Variants in SHISA6 observed in about 807,000 individuals in gnomAD.
SHISA6 encodes shisa family member 6.
Under a neutral mutation model 47.9 loss-of-function variants are expected in SHISA6, and 22 were observed. The observed-to-expected ratio is 0.46, with a 90% CI of 0.33 to 0.66. The LOEUF (loss-of-function observed/expected upper bound fraction) is 0.66, where lower values mean the gene tolerates loss of function less well. Among genes scored for constraint, SHISA6 ranks in the 30% least tolerant of loss-of-function variants. The pLI, the probability that SHISA6 is intolerant of heterozygous loss-of-function variation, is 0.02. For synonymous variants in SHISA6, 388 were observed against 337.8 expected (o/e 1.15, Z -1.63); for missense variants, 680 against 764.6 (o/e 0.89, Z 1.30).
chr17:11,300,149 CAAAAAAAAAA>C (rs56060137), intron 2 of SHISA6, among the ~76,000 whole-genome samples: 1 of 129,162 alleles, frequency 7.7e-6, no homozygotes, highest in East Asian at 2.3e-4. Context: ...CATCTTAAAA[CAAAAAAAAAA>C]AAAAAAGAAA....
At chr17:11,349,018 A>T (rs1168877753) in intron 2 of SHISA6, among the ~76,000 whole-genome samples, 1 of 152,222 alleles carries the variant, frequency 6.6e-6, no homozygotes, top group East Asian at 1.9e-4. Flanking sequence ...GGATTCATAA[A>T]AAAGGAGCTC....
chr17:11,277,462 G>C (rs1908966396), intron 2 of SHISA6, among the ~76,000 whole-genome samples: 1 of 152,054 alleles, frequency 6.6e-6, no homozygotes, highest in African/African-American at 2.4e-5. Context: ...TGTCTGCTTT[G>C]CTCACTCTAT....
intron 1 of SHISA6, among the ~76,000 whole-genome samples, chr17:11,246,720 C>G (rs1597419091): frequency 1.3e-5 from 2 of 152,300 alleles, no homozygotes; most frequent in Admixed American, 6.5e-5. Context: ...CTGACTCTTG[C>G]AGACACACGC....
intron 2 of SHISA6, among the ~76,000 whole-genome samples, chr17:11,368,104 C>T (rs1226737596): frequency 1.3e-5 from 2 of 152,174 alleles, no homozygotes; most frequent in African/African-American, 2.4e-5. Context: ...GCTCTATACA[C>T]GTGACTACAT....
At chr17:11,550,544 C>G (rs566460997) in intron 3 of SHISA6, among the ~76,000 whole-genome samples, 11 of 152,218 alleles carry the variant, frequency 7.2e-5, no homozygotes, top group Admixed American at 4.6e-4. Flanking sequence ...GGGAAGAGGA[C>G]TTTGGGATAC....
At chr17:11,471,687 A>G (rs1310335096) in intron 3 of SHISA6, among the ~76,000 whole-genome samples, 1 of 152,188 alleles carries the variant, frequency 6.6e-6, no homozygotes, top group African/African-American at 2.4e-5. Flanking sequence ...TTTGCTGTAC[A>G]TCTTTAGACT....
chr17:11,376,791 G>C (rs1912817155), intron 2 of SHISA6, among the ~76,000 whole-genome samples: 1 of 152,134 alleles, frequency 6.6e-6, no homozygotes, highest in Non-Finnish European at 1.5e-5. Flanking sequence ...GTTGTCCTTG[G>C]ACCTAAGAGC....
intron 3 of SHISA6, among the ~76,000 whole-genome samples, chr17:11,463,564 C>A (rs1031694019): frequency 6.6e-6 from 1 of 152,146 alleles, no homozygotes; most frequent in Non-Finnish European, 1.5e-5. Flanking sequence ...TCCTTTATTA[C>A]ATATCTGTAG....
chr17:11,423,011 G>C (rs896215221), intron 3 of SHISA6, among the ~76,000 whole-genome samples: 1 of 149,304 alleles, frequency 6.7e-6, no homozygotes, highest in African/African-American at 2.5e-5. Flanking sequence ...AAAAAAAACA[G>C]AGGGAATTAA....
chr17:11,362,614 TGGC>T (rs1912324731), intron 2 of SHISA6, among the ~76,000 whole-genome samples: 1 of 152,260 alleles, frequency 6.6e-6, no homozygotes, highest in East Asian at 1.9e-4. Flanking sequence ...CTTATATTAC[TGGC>T]GGTGTGGTTT....
intron 2 of SHISA6, among the ~76,000 whole-genome samples, chr17:11,359,819 C>T (rs924264491): frequency 1.3e-5 from 2 of 152,094 alleles, no homozygotes; most frequent in Admixed American, 1.3e-4. Flanking sequence ...AAAAAACAAA[C>T]AAGAATCTCC....
intron 1 of SHISA6, among the ~76,000 whole-genome samples, chr17:11,251,524 A>G (rs1907804860): frequency 6.6e-6 from 1 of 152,046 alleles, no homozygotes; most frequent in African/African-American, 2.4e-5. Flanking sequence ...ACAGGAGAGA[A>G]AAGAGGCGAT....
At chr17:11,274,590 T>C (rs1908808407) in intron 2 of SHISA6, among the ~76,000 whole-genome samples, 1 of 152,110 alleles carries the variant, frequency 6.6e-6, no homozygotes, top group Admixed American at 6.5e-5. Context: ...CTCATGGGCT[T>C]AATGTCCGTT....
chr17:11,529,807 T>G (rs2071717044), intron 3 of SHISA6, among the ~76,000 whole-genome samples: 1 of 152,158 alleles, frequency 6.6e-6, no homozygotes, highest in Non-Finnish European at 1.5e-5. Flanking sequence ...TATAGGAGTC[T>G]CTAAGAAAAA....
At chr17:11,299,847 GA>G (rs989550612) in intron 2 of SHISA6, among the ~76,000 whole-genome samples, 2 of 152,110 alleles carry the variant, frequency 1.3e-5, no homozygotes, top group Admixed American at 1.3e-4. Context: ...CTTTTGCCAT[GA>G]AAAGCAACAC....
chr17:11,411,573 T>G (rs1449521482), intron 3 of SHISA6, among the ~76,000 whole-genome samples: 1 of 151,994 alleles, frequency 6.6e-6, no homozygotes, highest in Admixed American at 6.6e-5. Context: ...ATTTTTGTAT[T>G]TTTAGTAGAG....
chr17:11,397,780 A>C (rs1183506692), intron 3 of SHISA6, among the ~76,000 whole-genome samples: 3 of 151,358 alleles, frequency 2.0e-5, no homozygotes, highest in African/African-American at 7.3e-5. Flanking sequence ...TTCTCTTTGA[A>C]GTCTTGGTTT....
At position 11,244,714 on chromosome 17, in the gene SHISA6, G is replaced by A. The variant is rs183795497; in HGVS notation, c.638+2654G>A. ...GGGAGGAGAAAGAATGTACACTCTC[G>A]AGAGGTCAAGAGAGGAAGCGGATGT... On this transcript the variant is annotated intron_variant, in intron 1 of 5. Coordinates refer to ENST00000441885, the MANE Select transcript of SHISA6 (RefSeq NM_207386.4). Among the ~76,000 whole-genome samples the A allele has an allele frequency of 1.5e-3, 231 of 152,266 alleles. 1 individual carries two copies. The highest frequency in any genetic ancestry group is 5.2e-3 in the African/African-American group (215 of 41,550).
intron 1 of SHISA6, among the ~76,000 whole-genome samples, chr17:11,255,361 A>G (rs1907968041): frequency 6.6e-6 from 1 of 152,204 alleles, no homozygotes. Context: ...AAAGAAAAGG[A>G]AGAAAGAAAA....
Sources: gnomAD v4.1 joint callset for allele counts (sites outside exome capture counted in the v4.1 genomes callset) on GRCh38, gnomAD v4.1.1 for gene constraint, MANE v1.5 for transcripts, NCBI Gene and HGNC (gene_info 2026-07-23, HGNC 2026-07-21) for gene names.